The following TXNDC11 variants were observed in gnomAD, a reference collection of about 807,000 sequenced individuals.
The protein encoded by TXNDC11 is thioredoxin domain containing 11.
Under a neutral mutation model 78.0 loss-of-function variants are expected in TXNDC11, and 68 were observed. That is an observed-to-expected ratio of 0.87 (90% CI 0.72 to 1.07). The LOEUF (loss-of-function observed/expected upper bound fraction) is 1.07. Among genes scored for constraint, TXNDC11 ranks in the 50% least tolerant of loss-of-function variants. The pLI is 0.00. For synonymous variants in TXNDC11, 571 were observed against 495.2 expected (o/e 1.15, Z -2.03); for missense variants, 1,389 against 1,221.8 (o/e 1.14, Z -2.04).
intron 11 of TXNDC11, among the ~76,000 whole-genome samples, chr16:11,680,861 G>A (rs1452390513): frequency 1.3e-5 from 2 of 152,168 alleles, no homozygotes; most frequent in Admixed American, 1.3e-4. Context: ...TTCTTCAAGT[G>A]GGGCCCAGCC....
chr16:11,685,419 G>A (rs1275098661), intron 10 of TXNDC11, among the ~76,000 whole-genome samples: 1 of 151,888 alleles, frequency 6.6e-6, no homozygotes, highest in Non-Finnish European at 1.5e-5. Flanking sequence ...GCCGAGGCAG[G>A]CAGATCACGA....
Position 11,687,658 on chromosome 16 carries a change from AG to A in TXNDC11, c.2153+198del, listed in dbSNP as rs552922522. 3.3e-5 allele frequency among the ~76,000 whole-genome samples: 5 copies of A among 152,342 alleles called. No individual in the cohort carries two copies. The East Asian group carries it at 9.6e-4, about 29-fold the overall frequency. ...CAGGGCTAAACATCAACATCATGGA[AG>A]GAACACTCAGAATTCATGAGGAAAA... On this transcript the variant is annotated intron_variant, in intron 10 of 11. Coordinates refer to ENST00000283033, the MANE Select transcript of TXNDC11 (RefSeq NM_015914.7).
At chr16:11,705,724 A>T (rs900426410) in intron 5 of TXNDC11, among the ~76,000 whole-genome samples, 2 of 152,372 alleles carry the variant, frequency 1.3e-5, no homozygotes, top group East Asian at 3.9e-4. Flanking sequence ...TTTTTCACAC[A>T]TAACAGAAAT....
At chr16:11,719,083 G>C (rs780680619) in intron 5 of TXNDC11, among the ~76,000 whole-genome samples, 3 of 152,176 alleles carry the variant, frequency 2.0e-5, no homozygotes, top group Non-Finnish European at 2.9e-5. Context: ...AATAATTTAA[G>C]ATGAGTAATG....
chr16:11,689,900 A>G (rs2050663949), intron 8 of TXNDC11: 1 of 152,272 alleles, frequency 6.6e-6, no homozygotes. Flanking sequence ...ATGCCCTTCA[A>G]AAAGTGACTG....
chr16:11,723,004 C>T (rs923147645), intron 4 of TXNDC11, among the ~76,000 whole-genome samples: 4 of 152,114 alleles, frequency 2.6e-5, no homozygotes, highest in South Asian at 2.1e-4. Context: ...CACTTGTAAT[C>T]GCAGCACTTT....
At chr16:11,734,866 G>A (rs2052174071) in intron 2 of TXNDC11, among the ~76,000 whole-genome samples, 1 of 152,168 alleles carries the variant, frequency 6.6e-6, no homozygotes, top group Non-Finnish European at 1.5e-5. Flanking sequence ...TCTGTGGGAT[G>A]CTTTTGGCTT....
In TXNDC11 at chr16:11,687,970, T is replaced by TG. The variant is rs1379484247; in HGVS notation, c.2044-5dup. ...CGTAATAGAGCAGGAGAACGTCCTG[T>TG]GGGAAAGGGAAGACAGATGTTACTT... On this transcript the variant is annotated splice_polypyrimidine_tract_variant and splice_region_variant and intron_variant, in intron 9 of 11. Transcript: ENST00000283033. 3 of 1,604,084 alleles carry TG rather than the reference T, an allele frequency of 1.9e-6. No individual in the cohort carries two copies. In the Admixed American group the frequency reaches 5.0e-5, roughly 27 times the overall value.
chr16:11,691,262 G>A (rs759507444), intron 8 of TXNDC11, 28 bp downstream of exon 8: 1 of 1,577,392 alleles, frequency 6.3e-7, no homozygotes, highest in Admixed American at 1.8e-5. Flanking sequence ...AATGTACAAT[G>A]CTTGGGGAAA....
At chr16:11,694,097 CTTTTTT>C (rs535913245) in intron 7 of TXNDC11, among the ~76,000 whole-genome samples, 1 of 85,688 alleles carries the variant, frequency 1.2e-5, no homozygotes, top group Non-Finnish European at 2.2e-5. Context: ...TACAGCAATG[CTTTTTT>C]TTTTTTTTTT....
At chr16:11,742,302 C>T in intron 1 of TXNDC11, 175 bp downstream of exon 1, 1 of 490,122 alleles carries the variant, frequency 2.0e-6, no homozygotes, top group Non-Finnish European at 3.4e-6. Context: ...GCGGGCGGGC[C>T]GGGGCGAGGA....
chr16:11,734,903 T>C (rs1277683597), intron 2 of TXNDC11, among the ~76,000 whole-genome samples: 1 of 152,172 alleles, frequency 6.6e-6, no homozygotes, highest in Non-Finnish European at 1.5e-5. Context: ...GAAGCTACAG[T>C]GCATACGTAG....
chr16:11,688,331 G>T lies in TXNDC11; in HGVS notation c.2015C>A (p.Thr672Asn), dbSNP rs781056018. ...QHLITEVTTD[T>N]FWEVVLQKQD... ...TTTTTGAAGGACTACTTCCCAAAAGGTATCAGTTGTCACTTCAGTGATTAA... is the reference window on the plus strand; with the variant it reads ...TTTTTGAAGGACTACTTCCCAAAAGTTATCAGTTGTCACTTCAGTGATTAA... Residue 672 changes from threonine (T) to asparagine (N), a missense_variant, in exon 9 of 12, where the codon ACC (threonine) becomes AAC (asparagine). Transcript: ENST00000283033. 4 of 1,614,042 alleles carry T rather than the reference G, an allele frequency of 2.5e-6. No individual in the cohort carries two copies. Among genetic ancestry groups the T allele is most frequent in the Non-Finnish European group, 3.4e-6 (4 of 1,180,000 alleles).
intron 7 of TXNDC11, among the ~76,000 whole-genome samples, chr16:11,693,538 TATAAAA>T (rs538241329): frequency 1.9e-3 from 282 of 152,286 alleles, no homozygotes; most frequent in African/African-American, 6.3e-3. Flanking sequence ...ACACAAGTTT[TATAAAA>T]ATAAAAATAA....
chr16:11,725,036 G>A (rs983464307), intron 4 of TXNDC11, among the ~76,000 whole-genome samples: 2 of 152,132 alleles, frequency 1.3e-5, no homozygotes, highest in Middle Eastern at 3.4e-3. Context: ...TGAGCCACGG[G>A]GCCCAGTCAA....
rs191232036 is a variant in TXNDC11 at position 11,720,664 on chromosome 16, G to A, written c.793+913C>T. ...ACTCCTGACCTCAGGTGATCCACCC[G>A]CCTTGACCTTCCAAAGTGTTGGGAT... On this transcript the variant is annotated intron_variant, in intron 5 of 11. Coordinates refer to ENST00000283033, the MANE Select transcript of TXNDC11 (RefSeq NM_015914.7). 2.1e-3 allele frequency among the ~76,000 whole-genome samples: 324 copies of A among 151,714 alleles called. 1 individual carries two copies. The highest frequency in any genetic ancestry group is 7.3e-3 in the African/African-American group (301 of 41,378).
chr16:11,691,697 G>C lies in TXNDC11; in HGVS notation c.1493C>G (p.Ser498Cys). 6.2e-7 allele frequency: 1 copy of C among 1,614,198 alleles called. No individual in the cohort carries two copies. Among genetic ancestry groups the C allele is most frequent in the Non-Finnish European group, 8.5e-7 (1 of 1,180,052 alleles). Reference sequence around the variant, plus strand: ...AGTGTAGTAGCTGAAGGGGCTATAGGAAGTTAAAAAATTGCTGCATTCTAT... The same window carrying C: ...AGTGTAGTAGCTGAAGGGGCTATAGCAAGTTAAAAAATTGCTGCATTCTAT... ...DSIECSNFLT[S>C]YSPFSYYTAC... The change falls in exon 8 of 12, where the codon TCC (serine) becomes TGC (cysteine). Residue 498 changes from serine (S) to cysteine (C), a missense_variant. Coordinates refer to ENST00000283033, the MANE Select transcript of TXNDC11 (RefSeq NM_015914.7).
chr16:11,705,091 T>C (rs2051146531), intron 5 of TXNDC11, among the ~76,000 whole-genome samples: 1 of 152,010 alleles, frequency 6.6e-6, no homozygotes, highest in South Asian at 2.1e-4. Context: ...GAGACAAGGT[T>C]TCACCATGTT....
At chr16:11,741,660 T>C (rs964589413) in intron 1 of TXNDC11, among the ~76,000 whole-genome samples, 1 of 152,208 alleles carries the variant, frequency 6.6e-6, no homozygotes, top group Non-Finnish European at 1.5e-5. Context: ...TTATATTTAC[T>C]TGTTCACTGT....
Sources: allele counts gnomAD v4.1 joint callset (sites outside exome capture counted in the v4.1 genomes callset), GRCh38; gene constraint gnomAD v4.1.1; transcripts MANE v1.5; gene names NCBI Gene and HGNC (gene_info 2026-07-23, HGNC 2026-07-21).